FAXC: variants seen among roughly 807,000 people sequenced by gnomAD.
FAXC encodes the protein failed axon connections homolog.
FAXC carries 10 observed loss-of-function variants against 41.9 expected under a neutral mutation model. The observed-to-expected ratio is 0.24, with a 90% confidence interval of 0.15 to 0.41. FAXC has a LOEUF of 0.41. Among genes scored for constraint, FAXC ranks in the 10% least tolerant of loss-of-function variants. FAXC has a pLI of 1.00. For synonymous variants in FAXC, 183 were observed against 183.8 expected (o/e 1.00, Z 0.03); for missense variants, 399 against 510.9 (o/e 0.78, Z 2.11).
At chr6:99,318,306 C>CACACAAAAAAAAAA (rs147852055) in intron 4 of FAXC, among the ~76,000 whole-genome samples, 1 of 135,230 alleles carries the variant, frequency 7.4e-6, no homozygotes. Context: ...CACACACACA[C>CACACAAAAAAAAAA]AAAATAGAAG....
intron 5 of FAXC, among the ~76,000 whole-genome samples, chr6:99,290,413 T>G (rs1230177032): frequency 6.6e-6 from 1 of 152,014 alleles, no homozygotes; most frequent in Non-Finnish European, 1.5e-5. Context: ...TAAATAATAC[T>G]TTGGGCGGCC....
In FAXC at chr6:99,302,714, G is replaced by A. The variant is rs150595995; in HGVS notation, c.824-10894C>T. 4.8e-3 allele frequency among the ~76,000 whole-genome samples: 728 copies of A among 152,064 alleles called. 4 individuals are homozygous for A. The highest frequency in any genetic ancestry group is 7.6e-3 in the Non-Finnish European group (517 of 67,966). ...ACTAGGTCCAGCCTACACTCACAGG[G>A]AGAGGAATACACAAGAGGCCATACA... On this transcript the variant is annotated intron_variant, in intron 4 of 5. Coordinates refer to ENST00000389677, the MANE Select transcript of FAXC (RefSeq NM_032511.4).
At chr6:99,340,948 C>T (rs1348047019) in intron 2 of FAXC, among the ~76,000 whole-genome samples, 2 of 152,144 alleles carry the variant, frequency 1.3e-5, no homozygotes, top group South Asian at 2.1e-4. Flanking sequence ...GGATTACAAG[C>T]GTGAGCCACC....
intron 4 of FAXC, among the ~76,000 whole-genome samples, chr6:99,313,500 A>C (rs1490818257): frequency 6.6e-6 from 1 of 152,074 alleles, no homozygotes; most frequent in Non-Finnish European, 1.5e-5. Flanking sequence ...TTACCCTTTC[A>C]ACTTTAAATA....
chr6:99,321,941 T>A (rs1057183503), intron 4 of FAXC, among the ~76,000 whole-genome samples: 1 of 152,194 alleles, frequency 6.6e-6, no homozygotes, highest in Admixed American at 6.5e-5. Flanking sequence ...CACAACAGCA[T>A]GAGCCGGTGA....
chr6:99,300,664 A>G (rs1490538277), intron 4 of FAXC, among the ~76,000 whole-genome samples: 1 of 152,184 alleles, frequency 6.6e-6, no homozygotes, highest in Non-Finnish European at 1.5e-5. Context: ...TAAAGAAAAT[A>G]TATCACTCAA....
intron 5 of FAXC, 21 bp downstream of exon 5, chr6:99,291,683 G>T: frequency 6.3e-7 from 1 of 1,582,086 alleles, no homozygotes; most frequent in Non-Finnish European, 8.7e-7. Flanking sequence ...CCCAAAACCT[G>T]AAGAAGAGTG....
At position 99,323,430 on chromosome 6, in the gene FAXC, G is replaced by A. The variant is rs1202358396; in HGVS notation, c.823+14C>T. 7 of 1,592,576 alleles carry A rather than the reference G, an allele frequency of 4.4e-6. No homozygotes were observed. The highest frequency in any genetic ancestry group is 1.1e-5 in the South Asian group (1 of 90,492). ...AGAATAGCAAATATAGAAATAGAAGGTGTGGTACATTACCCAAAAGCCCTG... is the reference window on the plus strand; with the variant it reads ...AGAATAGCAAATATAGAAATAGAAGATGTGGTACATTACCCAAAAGCCCTG... On this transcript the variant is annotated intron_variant, in intron 4 of 5. Transcript: ENST00000389677.
At chr6:99,298,147 T>A (rs943100471) in intron 4 of FAXC, among the ~76,000 whole-genome samples, 1 of 152,156 alleles carries the variant, frequency 6.6e-6, no homozygotes, top group East Asian at 1.9e-4. Flanking sequence ...GTGATTCTTG[T>A]GCACACTGAA....
At chr6:99,310,824 T>TCATACC (rs1317604995) in intron 4 of FAXC, among the ~76,000 whole-genome samples, 1 of 152,214 alleles carries the variant, frequency 6.6e-6, no homozygotes, top group Non-Finnish European at 1.5e-5. Flanking sequence ...CCATTCACTT[T>TCATACC]CATAGAAGGT....
At chr6:99,291,592 C>G in intron 5 of FAXC, 112 bp downstream of exon 5, 1 of 782,148 alleles carries the variant, frequency 1.3e-6, no homozygotes, top group Non-Finnish European at 2.3e-6. Context: ...CCTGGTGTCT[C>G]CATAAAGCAC....
At chr6:99,333,235 T>G in intron 3 of FAXC, 116 bp downstream of exon 3, 2 of 882,882 alleles carry the variant, frequency 2.3e-6, no homozygotes, top group Non-Finnish European at 3.4e-6. Context: ...AGCCACTCAC[T>G]TCATCCGAAA....
chr6:99,293,665 A>AGGGT (rs1771334868), intron 4 of FAXC, among the ~76,000 whole-genome samples: 1 of 123,170 alleles, frequency 8.1e-6, no homozygotes. Context: ...CTCTATACAC[A>AGGGT]GTGTGTGTGT....
chr6:99,286,324 A>G (rs930590300), intron 5 of FAXC, among the ~76,000 whole-genome samples: 1 of 152,204 alleles, frequency 6.6e-6, no homozygotes, highest in Non-Finnish European at 1.5e-5. Context: ...AAAACAGGCC[A>G]AGGTAATTCG....
chr6:99,342,429 C>T (rs2128465340), intron 2 of FAXC, among the ~76,000 whole-genome samples: 1 of 151,916 alleles, frequency 6.6e-6, no homozygotes, highest in Non-Finnish European at 1.5e-5. Flanking sequence ...ACTGTAACCT[C>T]TGCTTCCCCG....
Position 99,281,178 on chromosome 6 carries a change from C to G in FAXC, c.1216G>C (p.Glu406Gln), listed in dbSNP as rs747179017. The G allele has an allele frequency of 1.4e-6, 2 of 1,439,798 alleles. No homozygotes were observed. The highest frequency in any genetic ancestry group is 9.8e-7 in the Non-Finnish European group (1 of 1,021,394). The allele number at this position is 1,439,798 out of a possible 1,614,324, so 89.2% of individuals were successfully genotyped here. A position where few individuals can be genotyped will look rare whatever the true frequency, so the allele number is the denominator to read the frequency against. ...DVDMDDYTDH[E>Q]QCK ...GAGGCTGGACGTCACTTGCACTGTT[C>G]GTGGTCTGTATAGTCATCCATGTCC... The change falls in exon 6 of 6, where the codon GAA becomes CAA. Residue 406 changes from glutamate (E) to glutamine (Q), a missense_variant. This residue lies in a region of FAXC where 92 missense variants were observed against 94.9 expected (regional missense o/e 0.97). Transcript: ENST00000389677.
intron 4 of FAXC, among the ~76,000 whole-genome samples, chr6:99,319,097 A>G (rs975928891): frequency 1.3e-5 from 2 of 152,180 alleles, no homozygotes; most frequent in African/African-American, 4.8e-5. Flanking sequence ...TAAGAACATG[A>G]GGATTAAAAA....
intron 4 of FAXC, among the ~76,000 whole-genome samples, chr6:99,320,144 A>G (rs1198173938): frequency 6.6e-6 from 1 of 152,166 alleles, no homozygotes; most frequent in Non-Finnish European, 1.5e-5. Context: ...TTGTTGGCTT[A>G]ATATAATACC....
At chr6:99,332,799 A>T (rs566342407) in intron 3 of FAXC, among the ~76,000 whole-genome samples, 1 of 152,326 alleles carries the variant, frequency 6.6e-6, no homozygotes, top group African/African-American at 2.4e-5. Context: ...CTCTGACATA[A>T]TATTATTTTA....
Sources: allele counts gnomAD v4.1 joint callset (sites outside exome capture counted in the v4.1 genomes callset), GRCh38; gene constraint gnomAD v4.1.1; regional missense constraint gnomAD v4.1.1; transcripts MANE v1.5; gene names NCBI Gene and HGNC (gene_info 2026-07-23, HGNC 2026-07-21).